Variants in SPIC observed in about 807,000 individuals in gnomAD.
SPIC encodes the protein transcription factor Spi-C.
In SPIC, 9 loss-of-function variants were observed where a neutral mutation model predicts 16.7. The observed-to-expected ratio is 0.54, with a 90% confidence interval of 0.33 to 0.94. The LOEUF (loss-of-function observed/expected upper bound fraction) is 0.94, where lower values mean the gene tolerates loss of function less well. Ranked by LOEUF, SPIC falls within the 40% of genes least tolerant of loss-of-function variation. SPIC has a pLI of 0.03. For missense variants in SPIC, 241 were observed against 285.8 expected (o/e 0.84, Z 1.13); for synonymous variants, 97 against 102.9 (o/e 0.94, Z 0.35).
intron 5 of SPIC, among the ~76,000 whole-genome samples, chr12:101,485,196 G>C (rs1269745140): frequency 6.6e-6 from 1 of 152,188 alleles, no homozygotes; most frequent in African/African-American, 2.4e-5. Context: ...ACCTCCTCAA[G>C]GGAAAATGGA....
chr12:101,480,971 G>A (rs1016197498), intron 4 of SPIC, among the ~76,000 whole-genome samples: 7 of 152,102 alleles, frequency 4.6e-5, no homozygotes, highest in African/African-American at 1.7e-4. Flanking sequence ...TTCTACTTCA[G>A]CTCCCATTTT....
chr12:101,478,535 G>A (rs1358645248), intron 3 of SPIC, among the ~76,000 whole-genome samples: 3 of 152,098 alleles, frequency 2.0e-5, no homozygotes, highest in Non-Finnish European at 4.4e-5. Context: ...ATATAAAAAT[G>A]CAGAGAATAT....
chr12:101,479,355 G>GAAA (rs1243477392), intron 3 of SPIC, among the ~76,000 whole-genome samples: 5 of 150,978 alleles, frequency 3.3e-5, no homozygotes, highest in Non-Finnish European at 7.4e-5. Context: ...AAGAAAGAAA[G>GAAA]AAATCATGCG....
rs1873125468 is a variant in SPIC at position 101,479,660 on chromosome 12, C to T, written c.176C>T (p.Thr59Ile). Residue 59 changes from threonine to isoleucine, a missense_variant, in exon 4 of 6, where the codon ACA becomes ATA. By Grantham distance (89) the Thr-to-Ile change is moderately conservative (BLOSUM62 -1). Coordinates refer to ENST00000551346, the MANE Select transcript of SPIC (RefSeq NM_152323.3). ...GNSSCYGVLP[T>I]EEPVYNWRTV... ...TCCAGCTGCTATGGAGTGTTGCCTA[C>T]AGAGGAGCCTGTCTATAATTGGAGA... is the stretch of plus-strand genomic sequence containing the variant. 11 of 1,613,606 alleles carry T rather than the reference C, an allele frequency of 6.8e-6. No individual in the cohort carries two copies. Among genetic ancestry groups the T allele is most frequent in the Non-Finnish European group, 9.3e-6 (11 of 1,179,664 alleles).
chr12:101,479,262 G>GAAAGAAAGAAAGAAAGAA (rs1873090603), intron 3 of SPIC, among the ~76,000 whole-genome samples: 1 of 55,486 alleles, frequency 1.8e-5, no homozygotes, highest in Admixed American at 1.9e-4. Context: ...AAGAAGGAAG[G>GAAAGAAAGAAAGAAAGAA]AAAGAAAGAA....
Position 101,486,669 on chromosome 12 carries a change from G to A in SPIC, c.645G>A (p.Gln215=), listed in dbSNP as rs141942673. 1.7e-5 allele frequency: 27 copies of A among 1,613,922 alleles called. No individual in the cohort carries two copies. In the African/African-American group the frequency reaches 2.1e-4, roughly 13 times the overall value. The change falls in exon 6 of 6, where the codon CAG becomes CAA. Residue 215 remains glutamine, a synonymous_variant. Coordinates refer to ENST00000551346, the MANE Select transcript of SPIC (RefSeq NM_152323.3). ...YFLGKEIFYS[Q]CVQPDQEYLS... is the part of the protein sequence containing the mutation. The stretch of plus-strand genomic sequence containing the variant: ...TGGGGAAAGAGATCTTCTATTCACA[G>A]TGTGTTCAACCTGATCAAGAATATC...
chr12:101,475,676 T>C (rs1481497142), intron 1 of SPIC, among the ~76,000 whole-genome samples, 174 bp downstream of exon 1: 1 of 152,204 alleles, frequency 6.6e-6, no homozygotes, highest in East Asian at 1.9e-4. Flanking sequence ...CTACTTGTAA[T>C]AGCTGCGATA....
At chr12:101,479,071 A>C (rs567941899) in intron 3 of SPIC, among the ~76,000 whole-genome samples, 165 of 151,458 alleles carry the variant, frequency 1.1e-3, no homozygotes, top group African/African-American at 1.8e-3. Context: ...CAGGAGGCAC[A>C]GGCTGCAGTG....
intron 5 of SPIC, among the ~76,000 whole-genome samples, chr12:101,483,807 A>T (rs187611690): frequency 1.3e-5 from 2 of 151,834 alleles, no homozygotes; most frequent in Non-Finnish European, 2.9e-5. Context: ...CATGTTGGCC[A>T]GGCTGGTCTC....
chr12:101,476,992 T>A, intron 2 of SPIC, 85 bp downstream of exon 2: 1 of 701,812 alleles, frequency 1.4e-6, no homozygotes, highest in Non-Finnish European at 2.2e-6. Context: ...TTCTTTACTC[T>A]CCCTCCATTT....
At chr12:101,486,104 C>T (rs1240180034) in intron 5 of SPIC, among the ~76,000 whole-genome samples, 7 of 152,176 alleles carry the variant, frequency 4.6e-5, no homozygotes, top group Non-Finnish European at 8.8e-5. Flanking sequence ...CCCGGCCAGG[C>T]AACATTCTTA....
intron 1 of SPIC, among the ~76,000 whole-genome samples, chr12:101,476,204 G>C (rs1004286952): frequency 2.0e-5 from 3 of 152,180 alleles, no homozygotes; most frequent in African/African-American, 7.2e-5. Context: ...AGAACGTAGA[G>C]TTAAAAGCAT....
At chr12:101,485,375 CTAGT>C (rs987089318) in intron 5 of SPIC, among the ~76,000 whole-genome samples, 5 of 152,186 alleles carry the variant, frequency 3.3e-5, no homozygotes, top group Non-Finnish European at 7.3e-5. Flanking sequence ...AATTTCCTGC[CTAGT>C]TATTTTGAAA....
In SPIC at chr12:101,475,974, A is replaced by G. The variant is rs140428116; in HGVS notation, c.-78+472A>G. ...TTATGTTGATATATGATGGATATAT[A>G]TAATATTGGCATTAGATTACATCAT... On this transcript the variant is annotated intron_variant, in intron 1 of 5. Coordinates refer to ENST00000551346, the MANE Select transcript of SPIC (RefSeq NM_152323.3). 7.4e-4 allele frequency among the ~76,000 whole-genome samples: 112 copies of G among 152,332 alleles called. 1 individual carries two copies. Among genetic ancestry groups the G allele is most frequent in the African/African-American group, 2.6e-3 (109 of 41,568 alleles).
At chr12:101,479,481 T>C (rs1427533570) in intron 3 of SPIC, 101 bp from the exon 4 acceptor site, 1 of 813,930 alleles carries the variant, frequency 1.2e-6, no homozygotes, top group Non-Finnish European at 1.9e-6. Flanking sequence ...AAAACATAGA[T>C]GAGAGCAATT....
chr12:101,482,782 A>T lies in SPIC; in HGVS notation c.211-10A>T. ...GTCTCACTTAACATCCTGCTTCATTATTTATATAGAACAGTGCTGCGGACT... is the reference window on the plus strand; with the variant it reads ...GTCTCACTTAACATCCTGCTTCATTTTTTATATAGAACAGTGCTGCGGACT... On this transcript the variant is annotated splice_polypyrimidine_tract_variant and intron_variant, in intron 4 of 5. Coordinates refer to ENST00000551346, the MANE Select transcript of SPIC (RefSeq NM_152323.3). The T allele has an allele frequency of 6.2e-7, 1 of 1,600,672 alleles. No homozygotes were observed. Among genetic ancestry groups the T allele is most frequent in the Non-Finnish European group, 8.5e-7 (1 of 1,174,500 alleles).
At chr12:101,485,447 A>G (rs935619626) in intron 5 of SPIC, among the ~76,000 whole-genome samples, 19 of 152,230 alleles carry the variant, frequency 1.2e-4, no homozygotes, top group Admixed American at 6.5e-5. Flanking sequence ...AACAATGAGA[A>G]ATATCACAGT....
rs1491065351 is a variant in SPIC, at chr12:101,479,298, AAG to A, written c.98-282_98-281del. On this transcript the variant is annotated intron_variant, in intron 3 of 5. Transcript: ENST00000551346. ...AGAAAGAAAGAAAAAGAAAGAAAGAAAGAAAGAAAAAAGAAAGAAAGAAAGAA... is the reference window on the plus strand; with the variant it reads ...AGAAAGAAAGAAAAAGAAAGAAAGAAAAAGAAAAAAGAAAGAAAGAAAGAA... Among the ~76,000 whole-genome samples, 215 of 45,896 alleles carry A rather than the reference AAG, an allele frequency of 4.7e-3. 10 individuals carry two copies. Among genetic ancestry groups the A allele is most frequent in the African/African-American group, 0.026 (175 of 6,818 alleles). The allele number at this position is 45,896 out of a possible 152,430, so 30.1% of individuals were successfully genotyped here.
intron 2 of SPIC, 148 bp from the exon 3 acceptor site, chr12:101,477,409 GC>G (rs1374417478): frequency 1.3e-5 from 9 of 695,060 alleles, no homozygotes; most frequent in East Asian, 1.1e-4. Flanking sequence ...TGCACAGGCA[GC>G]CCCCCTGACA....
Sources: gnomAD v4.1 joint callset for allele counts (sites outside exome capture counted in the v4.1 genomes callset) on GRCh38, gnomAD v4.1.1 for gene constraint, MANE v1.5 for transcripts, NCBI Gene and HGNC (gene_info 2026-07-23, HGNC 2026-07-21) for gene names.